Variants in SPRYD3 observed in about 807,000 individuals in gnomAD.
SPRYD3 encodes SPRY domain containing 3, also known as SPRY domain-containing protein 3.
A neutral mutation model predicts 50.1 loss-of-function variants in SPRYD3; 17 were observed. The ratio of observed to expected loss-of-function variants is 0.34; its 90% CI spans 0.23 to 0.51. SPRYD3 has a LOEUF of 0.51. Ranked by LOEUF, SPRYD3 falls within the 20% of genes least tolerant of loss-of-function variation. The pLI is 0.97. For synonymous variants in SPRYD3, 198 were observed against 215.5 expected, an observed-to-expected ratio of 0.92 and a Z score of 0.71; for missense variants, 401 against 591.2, an observed-to-expected ratio of 0.68 and a Z score of 3.34.
chr12:53,073,255 A>AGCCCCCGGGGGGGGGGG, intron 6 of SPRYD3, 31 bp downstream of exon 6: 22 of 383,666 alleles, frequency 5.7e-5, no homozygotes, highest in Middle Eastern at 4.4e-4. Flanking sequence ...CCTCCGACCC[A>AGCCCCCGGGGGGGGGGG]GCCCCTCCCA....
At chr12:53,066,791 G>A in intron 8 of SPRYD3, 99 bp from the exon 9 acceptor site, 2 of 1,424,400 alleles carry the variant, frequency 1.4e-6, no homozygotes, top group South Asian at 1.4e-5. Context: ...ACCCCTCAGA[G>A]GAAGGGAAGG....
Position 53,067,645 on chromosome 12 carries a change from C to T in SPRYD3, c.901+3G>A. The T allele has an allele frequency of 6.2e-7, 1 of 1,613,942 alleles. No individual in the cohort carries two copies. The stretch of plus-strand genomic sequence containing the variant: ...CACCTTTCCCAGGCAGCCCGCTATT[C>T]ACCTGCATGATAAGCCACAGACCCT... On this transcript the variant is annotated splice_donor_region_variant and intron_variant, in intron 8 of 10. Transcript: ENST00000301463.
At chr12:53,078,398 A>T (rs1202774407) in intron 1 of SPRYD3, among the ~76,000 whole-genome samples, 1 of 151,434 alleles carries the variant, frequency 6.6e-6, no homozygotes, top group Non-Finnish European at 1.5e-5. Context: ...CTGAGGCAAG[A>T]GAATTGCTTG....
chr12:53,075,120 C>T lies in SPRYD3; in HGVS notation c.346G>A (p.Val116Ile). The T allele has an allele frequency of 6.2e-7, 1 of 1,613,942 alleles. No individual in the cohort carries two copies. Among genetic ancestry groups the T allele is most frequent in the Non-Finnish European group, 8.5e-7 (1 of 1,179,812 alleles). The change falls in exon 4 of 11, where the codon GTA becomes ATA. Residue 116 changes from valine (V) to isoleucine (I), a missense_variant. Coordinates refer to ENST00000301463, the MANE Select transcript of SPRYD3 (RefSeq NM_032840.3). ...DHQPGWLPDS[V>I]AYHADDGKLY... ...TTGCCATCATCAGCATGGTAGGCTA[C>T]AGAGTCAGGCAACCAGCCAGGCTGG... is the stretch of plus-strand genomic sequence containing the variant.
chr12:53,079,119 C>G (rs993341706), intron 1 of SPRYD3, among the ~76,000 whole-genome samples, 192 bp downstream of exon 1: 24 of 152,286 alleles, frequency 1.6e-4, no homozygotes, highest in African/African-American at 5.8e-4. Flanking sequence ...GGGCCCCAGC[C>G]CATCCGTGTG....
intron 8 of SPRYD3, 80 bp downstream of exon 8, chr12:53,067,568 G>T (rs1944518804): frequency 2.9e-6 from 4 of 1,392,238 alleles, no homozygotes; most frequent in Non-Finnish European, 4.1e-6. Flanking sequence ...TTTGTGAGGG[G>T]CCAGGAGAGG....
chr12:53,065,685 G>A lies in SPRYD3; in HGVS notation c.*147C>T, dbSNP rs896567059. The A allele has an allele frequency of 1.5e-5, 12 of 812,752 alleles. No individual in the cohort carries two copies. The highest frequency in any genetic ancestry group is 7.0e-5 in the Admixed American group (3 of 42,684). The allele number at this position is 812,752 out of a possible 1,614,324, so 50.3% of individuals were successfully genotyped here. On this transcript the variant is annotated 3_prime_UTR_variant, in exon 11 of 11. Coordinates refer to ENST00000301463, the MANE Select transcript of SPRYD3 (RefSeq NM_032840.3). ...GTCAGAAACGTGGGCACAGAGAAGC[G>A]TGACAGGGGCCTGAGCCAGTGGGGG... is the stretch of plus-strand genomic sequence containing the variant.
At position 53,068,202 on chromosome 12, in the gene SPRYD3, C is replaced by T. The variant is rs758551822; in HGVS notation, c.796G>A (p.Val266Met). Residue 266 changes from valine to methionine, a missense_variant, in exon 7 of 11, where the codon GTG becomes ATG. Physicochemically the swap from Val to Met is conservative, Grantham distance 21 (BLOSUM62 1). Coordinates refer to ENST00000301463, the MANE Select transcript of SPRYD3 (RefSeq NM_032840.3). ...ATGTAGCATTTCTCTCCAGGGTCCA[C>T]GATCTCCACCTCGAAGTAGTGGCTG... is the stretch of plus-strand genomic sequence containing the variant. The part of the protein sequence containing the change: ...TRSHYFEVEI[V>M]DPGEKCYIAL... The T allele has an allele frequency of 8.7e-6, 14 of 1,614,062 alleles. No individual in the cohort carries two copies. The East Asian group carries it at 2.2e-4, about 26-fold the overall frequency.
chr12:53,065,239 G>A lies in SPRYD3; in HGVS notation c.*593C>T, dbSNP rs948561023. 2 of 152,804 alleles carry A rather than the reference G, an allele frequency of 1.3e-5. No individual in the cohort carries two copies. The highest frequency in any genetic ancestry group is 4.8e-5 in the African/African-American group (2 of 41,462). The allele number at this position is 152,804 out of a possible 1,614,324, so 9.5% of individuals were successfully genotyped here. A position where few individuals can be genotyped will look rare whatever the true frequency, so the allele number is the denominator to read the frequency against. ...CCTCTGTGGTGCCTGAGCAGGTTGG[G>A]GTGGGGAGCCAGCTCTCAAGGGAAA... On this transcript the variant is annotated 3_prime_UTR_variant, in exon 11 of 11. Transcript: ENST00000301463.
intron 1 of SPRYD3, among the ~76,000 whole-genome samples, 173 bp from the exon 2 acceptor site, chr12:53,077,434 C>A (rs7313065): frequency 0.28 from 43,132 of 152,214 alleles, 8,275 homozygotes; most frequent in African/African-American, 0.55. Context: ...AGCACCTACT[C>A]TGTGTGCTTT....
intron 6 of SPRYD3, 30 bp downstream of exon 6, chr12:53,073,256 G>GCCCCCGGGGGGGGGGCCCCCC: frequency 2.4e-6 from 1 of 424,134 alleles, no homozygotes; most frequent in Non-Finnish European, 4.4e-6. Flanking sequence ...CTCCGACCCA[G>GCCCCCGGGGGGGGGGCCCCCC]CCCCTCCCAC....
At chr12:53,078,642 T>C (rs1005189559) in intron 1 of SPRYD3, among the ~76,000 whole-genome samples, 5 of 152,180 alleles carry the variant, frequency 3.3e-5, no homozygotes, top group African/African-American at 1.2e-4. Flanking sequence ...ACTAAGTCGG[T>C]AGCAGCGCCG....
chr12:53,073,138 G>A, intron 6 of SPRYD3, 148 bp downstream of exon 6: 1 of 562,956 alleles, frequency 1.8e-6, no homozygotes, highest in Non-Finnish European at 3.2e-6. Flanking sequence ...AAGGACTCAT[G>A]TCAAGAGCCT....
chr12:53,073,260 C>CGGGGGGGGGGGGGGGGG, intron 6 of SPRYD3, 26 bp downstream of exon 6: 24 of 416,290 alleles, frequency 5.8e-5, no homozygotes, highest in Non-Finnish European at 7.9e-5. Flanking sequence ...GACCCAGCCC[C>CGGGGGGGGGGGGGGGGG]TCCCACCCTC....
In SPRYD3 at chr12:53,074,341, T is replaced by C. The variant is rs908204392; in HGVS notation, c.507+308A>G. Among the ~76,000 whole-genome samples the C allele has an allele frequency of 1.4e-4, 22 of 152,178 alleles. No homozygotes were observed. Among genetic ancestry groups the C allele is most frequent in the Non-Finnish European group, 3.1e-4 (21 of 68,036 alleles). On this transcript the variant is annotated intron_variant, in intron 5 of 10. Coordinates refer to ENST00000301463, the MANE Select transcript of SPRYD3 (RefSeq NM_032840.3). This position sits in a 1 kb window ranked among gnomAD's most constrained non-coding sequence, Gnocchi z 4.6. ...CCAGGCCATAATCTTCCCCTCTCTTTTATCTGCTCAAAACCTTCCCCCAAA... is the reference window on the plus strand; with the variant it reads ...CCAGGCCATAATCTTCCCCTCTCTTCTATCTGCTCAAAACCTTCCCCCAAA...
Position 53,067,658 on chromosome 12 carries a change from A to G in SPRYD3, c.891T>C (p.Ala297=), listed in dbSNP as rs1209523536. The change falls in exon 8 of 11, where the codon GCT becomes GCC. Residue 297 remains alanine (A), a synonymous_variant. Transcript: ENST00000301463. ...CAGCCCGCTATTCACCTGCATGATA[A>G]GCCACAGACCCTCTGCTCCAGCCAG... The part of the protein sequence containing the change: ...RHPGWSRGSV[A]YHADDGKIFH... 6.2e-7 allele frequency: 1 copy of G among 1,613,984 alleles called. No homozygotes were observed. The highest frequency in any genetic ancestry group is 8.5e-7 in the Non-Finnish European group (1 of 1,179,976).
chr12:53,067,801 G>A, intron 7 of SPRYD3, 96 bp from the exon 8 acceptor site: 1 of 1,178,194 alleles, frequency 8.5e-7, no homozygotes, highest in Admixed American at 1.8e-5. Context: ...ACAGACCACA[G>A]CCCAGAGAGT....
chr12:53,073,641 G>A (rs1050927881), intron 5 of SPRYD3, among the ~76,000 whole-genome samples, 170 bp from the exon 6 acceptor site: 2 of 151,988 alleles, frequency 1.3e-5, no homozygotes, highest in African/African-American at 4.8e-5. Context: ...TCAGGAGATT[G>A]AAACCATCCT....
At chr12:53,076,097 G>A (rs1022012095) in intron 2 of SPRYD3, among the ~76,000 whole-genome samples, 1 of 152,192 alleles carries the variant, frequency 6.6e-6, no homozygotes, top group Non-Finnish European at 1.5e-5. Flanking sequence ...GCCTAAGAGA[G>A]GTCTCACAAC....
Sources: gnomAD v4.1 joint callset for allele counts (sites outside exome capture counted in the v4.1 genomes callset) on GRCh38, gnomAD v4.1.1 for gene constraint, Gnocchi (gnomAD v3.1) non-coding constraint, MANE v1.5 for transcripts, NCBI Gene and HGNC (gene_info 2026-07-23, HGNC 2026-07-21) for gene names.